The following FAF1 variants were observed in gnomAD, a reference collection of about 807,000 sequenced individuals.
FAF1 encodes Fas associated factor 1.
In FAF1, 25 loss-of-function variants were observed where a neutral mutation model predicts 92.5. The observed-to-expected ratio is 0.27, with a 90% CI of 0.20 to 0.38. FAF1 has a LOEUF of 0.38. Ranked by LOEUF, FAF1 falls within the 10% of genes least tolerant of loss-of-function variation. The pLI is 1.00. For missense variants in FAF1, 636 were observed against 793.3 expected (o/e 0.80, Z 2.38); for synonymous variants, 234 against 273.2 (o/e 0.86, Z 1.42).
chr1:50,567,831 A>G (rs950225465), intron 12 of FAF1, among the ~76,000 whole-genome samples: 1 of 152,124 alleles, frequency 6.6e-6, no homozygotes, highest in African/African-American at 2.4e-5. Flanking sequence ...AGAGATAGAA[A>G]AATATTCAGT....
At chr1:50,713,973 A>G (rs1009107306) in intron 6 of FAF1, among the ~76,000 whole-genome samples, 22 of 150,242 alleles carry the variant, frequency 1.5e-4, no homozygotes, top group African/African-American at 4.9e-4. Flanking sequence ...GGGTTTCACC[A>G]TCTTGGCCAG....
intron 1 of FAF1, among the ~76,000 whole-genome samples, chr1:50,861,335 G>T (rs1644430233): frequency 6.6e-6 from 1 of 151,856 alleles, no homozygotes; most frequent in Admixed American, 6.6e-5. Context: ...TGGAGATGAG[G>T]TCTTTGAGAG....
chr1:50,504,084 G>T (rs1173369901), intron 15 of FAF1, among the ~76,000 whole-genome samples: 2 of 152,156 alleles, frequency 1.3e-5, no homozygotes, highest in African/African-American at 4.8e-5. Context: ...GATTAATACT[G>T]CAAAAAATTA....
chr1:50,687,720 G>A (rs1656731440), intron 7 of FAF1, among the ~76,000 whole-genome samples: 1 of 149,068 alleles, frequency 6.7e-6, no homozygotes. Context: ...CAGCCTGGGC[G>A]ACAGAGCAAG....
At chr1:50,633,021 C>A (rs1297042526) in intron 8 of FAF1, among the ~76,000 whole-genome samples, 2 of 152,032 alleles carry the variant, frequency 1.3e-5, no homozygotes, top group African/African-American at 4.8e-5. Context: ...TATTGCAATG[C>A]TGAGAATAGT....
At chr1:50,777,848 G>C (rs1172069590) in intron 4 of FAF1, among the ~76,000 whole-genome samples, 1 of 152,096 alleles carries the variant, frequency 6.6e-6, no homozygotes, top group African/African-American at 2.4e-5. Context: ...CTGGAACCCT[G>C]TTCTACTGGT....
chr1:50,855,340 T>C (rs780284133), intron 2 of FAF1, among the ~76,000 whole-genome samples: 3 of 151,990 alleles, frequency 2.0e-5, no homozygotes, highest in African/African-American at 2.4e-5. Context: ...TTAGATTTTT[T>C]TTAAGTTCAT....
intron 18 of FAF1, among the ~76,000 whole-genome samples, chr1:50,471,783 G>C (rs1033986761): frequency 1.3e-5 from 2 of 152,092 alleles, no homozygotes; most frequent in African/African-American, 2.4e-5. Flanking sequence ...TTTATAAATT[G>C]AAAGATCTCA....
intron 9 of FAF1, among the ~76,000 whole-genome samples, chr1:50,589,385 A>C (rs1651395647): frequency 1.3e-5 from 2 of 152,074 alleles, no homozygotes; most frequent in Non-Finnish European, 2.9e-5. Flanking sequence ...GGAGCAGCTC[A>C]GGTGACTCCA....
chr1:50,833,203 G>C (rs1644170385), intron 2 of FAF1, among the ~76,000 whole-genome samples: 2 of 152,004 alleles, frequency 1.3e-5, no homozygotes, highest in Non-Finnish European at 2.9e-5. Flanking sequence ...CAAGTATTAG[G>C]TCCCCTGGTT....
rs117776073 is a variant in FAF1, at chr1:50,709,429, T to G, written c.552-3538A>C. On this transcript the variant is annotated intron_variant, in intron 6 of 18. Coordinates refer to ENST00000396153, the MANE Select transcript of FAF1 (RefSeq NM_007051.3). Reference sequence around the variant, plus strand: ...GGAAAGTAGCACACTAGAAGGTGATTCAATTCAACTGTATAAAGATTCAAG... The same window carrying G: ...GGAAAGTAGCACACTAGAAGGTGATGCAATTCAACTGTATAAAGATTCAAG... 2.9e-3 allele frequency among the ~76,000 whole-genome samples: 436 copies of G among 152,352 alleles called. 16 individuals are homozygous for G. The East Asian group carries it at 0.079, about 27-fold the overall frequency.
At chr1:50,861,249 A>G (rs1644429629) in intron 1 of FAF1, among the ~76,000 whole-genome samples, 1 of 151,876 alleles carries the variant, frequency 6.6e-6, no homozygotes, top group African/African-American at 2.4e-5. Flanking sequence ...ACCACATATT[A>G]AAAACAAGAG....
intron 8 of FAF1, among the ~76,000 whole-genome samples, chr1:50,603,781 T>C (rs1345452786): frequency 6.6e-6 from 1 of 152,060 alleles, no homozygotes; most frequent in Non-Finnish European, 1.5e-5. Context: ...TGTAGCAGGG[T>C]TAAACAGCAG....
intron 1 of FAF1, among the ~76,000 whole-genome samples, chr1:50,908,184 G>T (rs191070337): frequency 1.3e-5 from 2 of 152,186 alleles, no homozygotes; most frequent in Non-Finnish European, 2.9e-5. Context: ...GAGTGGTTTC[G>T]AGTGAGCTTC....
chr1:50,611,617 C>T (rs1299935855), intron 8 of FAF1, among the ~76,000 whole-genome samples: 2 of 152,184 alleles, frequency 1.3e-5, no homozygotes, highest in Non-Finnish European at 2.9e-5. Flanking sequence ...GATGGTTAAG[C>T]TCTGAATACT....
chr1:50,929,990 G>C (rs1294694541), intron 1 of FAF1, among the ~76,000 whole-genome samples: 1 of 152,110 alleles, frequency 6.6e-6, no homozygotes, highest in African/African-American at 2.4e-5. Flanking sequence ...TAAGCACCAA[G>C]ATGCAAATAC....
chr1:50,951,021 A>C (rs1260251596), intron 1 of FAF1, among the ~76,000 whole-genome samples: 1 of 152,230 alleles, frequency 6.6e-6, no homozygotes, highest in African/African-American at 2.4e-5. Flanking sequence ...ACTTGAGGTC[A>C]GGAGTTCGAG....
intron 2 of FAF1, among the ~76,000 whole-genome samples, chr1:50,819,567 C>A (rs1264318628): frequency 6.8e-6 from 1 of 147,980 alleles, no homozygotes; most frequent in Non-Finnish European, 1.5e-5. Context: ...TTCGAGACTG[C>A]AATAGCTATA....
chr1:50,805,117 G>C (rs1313920165), intron 2 of FAF1, among the ~76,000 whole-genome samples: 2 of 151,986 alleles, frequency 1.3e-5, no homozygotes, highest in African/African-American at 4.8e-5. Flanking sequence ...TAAATATTTG[G>C]TCAAAATAAT....
Sources: allele counts gnomAD v4.1 joint callset (sites outside exome capture counted in the v4.1 genomes callset), GRCh38; gene constraint gnomAD v4.1.1; transcripts MANE v1.5; gene names NCBI Gene and HGNC (gene_info 2026-07-23, HGNC 2026-07-21).